Variants in OSBPL10 observed in about 807,000 individuals in gnomAD.
OSBPL10 encodes oxysterol-binding protein-related protein 10.
In OSBPL10, 49 loss-of-function variants were observed where a neutral mutation model predicts 81.7. The ratio of observed to expected loss-of-function variants is 0.60; its 90% CI spans 0.48 to 0.76. OSBPL10 has a LOEUF of 0.76. Among genes scored for constraint, OSBPL10 ranks in the 30% least tolerant of loss-of-function variants. The probability of loss-of-function intolerance (pLI) is 0.00; values close to 1 mark genes in which losing one functional copy is unlikely to be tolerated. For missense variants in OSBPL10, 923 were observed against 987.8 expected (o/e 0.93, Z 0.88); for synonymous variants, 419 against 383.6 (o/e 1.09, Z -1.08).
At chr3:31,752,905 A>G (rs1697762083) in intron 4 of OSBPL10, among the ~76,000 whole-genome samples, 1 of 152,168 alleles carries the variant, frequency 6.6e-6, no homozygotes, top group Non-Finnish European at 1.5e-5. Flanking sequence ...CTAAACAAAC[A>G]TTCCTAATCC....
chr3:31,741,377 G>C (rs1023597249), intron 5 of OSBPL10, among the ~76,000 whole-genome samples: 1 of 152,198 alleles, frequency 6.6e-6, no homozygotes, highest in Admixed American at 6.5e-5. Flanking sequence ...TGATTCTCCT[G>C]CCTCAGCCTC....
At chr3:31,977,546 C>T (rs1426613311) in intron 1 of OSBPL10, among the ~76,000 whole-genome samples, 2 of 152,324 alleles carry the variant, frequency 1.3e-5, no homozygotes, top group South Asian at 4.1e-4. Flanking sequence ...GGTTTACTCT[C>T]CCCATGGTTC....
intron 1 of OSBPL10, among the ~76,000 whole-genome samples, chr3:31,965,500 TATAAAA>T: frequency 1.0e-5 from 1 of 97,166 alleles, no homozygotes; most frequent in African/African-American, 4.2e-5. Context: ...TTATATAATA[TATAAAA>T]TAGATAATAT....
chr3:31,850,447 T>G (rs1700736879), intron 3 of OSBPL10, among the ~76,000 whole-genome samples: 1 of 152,212 alleles, frequency 6.6e-6, no homozygotes. Context: ...CTTCCCCCTT[T>G]GTTGAAAACA....
chr3:31,965,703 AT>A lies in OSBPL10; in HGVS notation c.281+15195del, dbSNP rs1206048734. On this transcript the variant is annotated intron_variant, in intron 1 of 11. Transcript: ENST00000396556. ...ATATATTATATAAAATATATAATATATTATATAAAATATATAATATAATATA... is the reference window on the plus strand; with the variant it reads ...ATATATTATATAAAATATATAATATATATATAAAATATATAATATAATATA... 1.9e-4 allele frequency among the ~76,000 whole-genome samples: 13 copies of A among 68,338 alleles called. 2 individuals carry two copies. Among genetic ancestry groups the A allele is most frequent in the African/African-American group, 8.6e-4 (13 of 15,046 alleles). 44.8% of individuals were successfully genotyped at this position (68,338 alleles called of 152,430 possible).
At position 31,885,515 on chromosome 3, in the gene OSBPL10, C is replaced by A. The variant is rs185183363; in HGVS notation, c.282-5685G>T. On this transcript the variant is annotated intron_variant, in intron 1 of 11. Transcript: ENST00000396556. ...ATCTCTGAGACATCATCTGTCTGCACAGGTACCCATTTCATTGCTGCCTCT... is the reference window on the plus strand; with the variant it reads ...ATCTCTGAGACATCATCTGTCTGCAAAGGTACCCATTTCATTGCTGCCTCT... Among the ~76,000 whole-genome samples the A allele has an allele frequency of 2.3e-3, 346 of 152,284 alleles. 3 individuals are homozygous for A. The highest frequency in any genetic ancestry group is 0.014 in the Middle Eastern group (4 of 294).
intron 3 of OSBPL10, among the ~76,000 whole-genome samples, chr3:31,869,803 C>T (rs577376397): frequency 2.6e-5 from 4 of 152,320 alleles, no homozygotes; most frequent in East Asian, 1.9e-4. Context: ...GGAAGTAATA[C>T]CACCTACCTC....
At chr3:31,879,927 A>T in intron 1 of OSBPL10, 97 bp from the exon 2 acceptor site, 1 of 1,270,306 alleles carries the variant, frequency 7.9e-7, no homozygotes, top group East Asian at 2.6e-5. Context: ...CAACATCAAG[A>T]CTCCACATCC....
intron 1 of OSBPL10, among the ~76,000 whole-genome samples, chr3:32,073,240 AG>A (rs1699844907): frequency 6.6e-6 from 1 of 152,178 alleles, no homozygotes; most frequent in Non-Finnish European, 1.5e-5. Context: ...CCAGTCCTCC[AG>A]CAGGCTAGAC....
chr3:31,907,313 A>G (rs1036920424), intron 1 of OSBPL10, among the ~76,000 whole-genome samples: 8 of 152,110 alleles, frequency 5.3e-5, no homozygotes, highest in African/African-American at 1.9e-4. Flanking sequence ...TTTACTTGTA[A>G]GAAAAGTAAG....
intron 1 of OSBPL10, among the ~76,000 whole-genome samples, chr3:32,055,589 A>G (rs905283366): frequency 3.9e-5 from 6 of 152,210 alleles, no homozygotes; most frequent in Non-Finnish European, 5.9e-5. Context: ...AGTTGTGAGT[A>G]TTCTTATCAA....
intron 2 of OSBPL10, among the ~76,000 whole-genome samples, chr3:32,017,209 A>G (rs764803643): frequency 1.3e-5 from 2 of 152,210 alleles, no homozygotes; most frequent in Non-Finnish European, 2.9e-5. Context: ...TACGAGGCAA[A>G]TAGCATTGTT....
At chr3:31,749,794 G>A (rs1313936316) in intron 4 of OSBPL10, among the ~76,000 whole-genome samples, 1 of 152,012 alleles carries the variant, frequency 6.6e-6, no homozygotes, top group Non-Finnish European at 1.5e-5. Flanking sequence ...CAGCCTGGGT[G>A]ACAGAGTGAG....
intron 3 of OSBPL10, among the ~76,000 whole-genome samples, chr3:31,871,894 ATG>A (rs1701337984): frequency 6.6e-6 from 1 of 152,210 alleles, no homozygotes; most frequent in Non-Finnish European, 1.5e-5. Context: ...ACGCACACAC[ATG>A]CAAGAAATTC....
intron 4 of OSBPL10, among the ~76,000 whole-genome samples, chr3:31,807,095 C>T (rs1357475973): frequency 6.6e-6 from 1 of 152,182 alleles, no homozygotes; most frequent in Non-Finnish European, 1.5e-5. Flanking sequence ...AAGATTCACT[C>T]CTGGCCAGCC....
intron 4 of OSBPL10, among the ~76,000 whole-genome samples, chr3:31,804,115 T>C (rs1699465725): frequency 6.6e-6 from 1 of 152,232 alleles, no homozygotes; most frequent in Non-Finnish European, 1.5e-5. Flanking sequence ...GTTTGCTCAA[T>C]GGTGATCTTT....
intron 1 of OSBPL10, among the ~76,000 whole-genome samples, chr3:32,074,416 C>T (rs1431585922): frequency 1.3e-5 from 2 of 152,144 alleles, no homozygotes; most frequent in African/African-American, 4.8e-5. Flanking sequence ...TCCAAATGTT[C>T]CTTTACTCTT....
intron 1 of OSBPL10, among the ~76,000 whole-genome samples, chr3:31,926,295 C>CCCCCCCA (rs1265122937): frequency 3.4e-5 from 5 of 148,908 alleles, no homozygotes; most frequent in Non-Finnish European, 7.4e-5. Flanking sequence ...TTTTGCCCCC[C>CCCCCCCA]CAGAGGATAG....
intron 4 of OSBPL10, among the ~76,000 whole-genome samples, chr3:31,768,812 C>G (rs1698275039): frequency 6.6e-6 from 1 of 152,180 alleles, no homozygotes; most frequent in African/African-American, 2.4e-5. Flanking sequence ...GAAATATATG[C>G]TAGATTTTAA....
Sources: gnomAD v4.1 joint callset for allele counts (sites outside exome capture counted in the v4.1 genomes callset) on GRCh38, gnomAD v4.1.1 for gene constraint, MANE v1.5 for transcripts, NCBI Gene and HGNC (gene_info 2026-07-23, HGNC 2026-07-21) for gene names.